PACS1: variants seen among roughly 807,000 people sequenced by gnomAD.
PACS1 encodes the protein PACS-1.
Under a neutral mutation model 115.0 loss-of-function variants are expected in PACS1, and 24 were observed. That is an observed-to-expected ratio of 0.21 (90% CI 0.15 to 0.29). PACS1 has a LOEUF of 0.29. Among genes scored for constraint, PACS1 ranks in the 10% least tolerant of loss-of-function variants. The pLI is 1.00. For missense variants in PACS1, 838 were observed against 1,251.2 expected, an observed-to-expected ratio of 0.67 and a Z score of 4.98; for synonymous variants, 453 against 504.5, an observed-to-expected ratio of 0.90 and a Z score of 1.37.
chr11:66,222,887 T>G (rs1459357242), intron 10 of PACS1, among the ~76,000 whole-genome samples: 2 of 151,770 alleles, frequency 1.3e-5, no homozygotes, highest in Non-Finnish European at 2.9e-5. Flanking sequence ...TCTTCCTGCT[T>G]AGGACAGCGC....
Position 66,241,535 on chromosome 11 carries a change from G to T in PACS1, c.2538G>T (p.Lys846Asn). ...REGDKRDASS[K>N]NTLKSVFRSV... ...GCGACAAGAGGGACGCCAGCTCGAA[G>T]AACACCCTCAAGAGTGTCTTCCGCT... The change falls in exon 22 of 24, where the codon AAG becomes AAT. Residue 846 changes from lysine (K) to asparagine (N), a missense_variant. Around this residue, in one of 6 missense-constraint regions of PACS1, gnomAD observed 84 missense variants for 187.1 expected, o/e 0.45. Coordinates refer to ENST00000320580, the MANE Select transcript of PACS1 (RefSeq NM_018026.4). The T allele has an allele frequency of 6.2e-7, 1 of 1,614,254 alleles. No homozygotes were observed. The highest frequency in any genetic ancestry group is 8.5e-7 in the Non-Finnish European group (1 of 1,180,048).
chr11:66,072,134 C>T (rs1206173625), intron 1 of PACS1, among the ~76,000 whole-genome samples: 1 of 152,128 alleles, frequency 6.6e-6, no homozygotes, highest in Non-Finnish European at 1.5e-5. Flanking sequence ...AGTTTGTGTA[C>T]ATGGTGTCAT....
rs149911325 is a variant in PACS1 at position 66,207,723 on chromosome 11, G to A, written c.445-2639G>A. On this transcript the variant is annotated intron_variant, in intron 2 of 23. Coordinates refer to ENST00000320580, the MANE Select transcript of PACS1 (RefSeq NM_018026.4). ...TTGCTGTTTTTTGAGACAGAGTCTC[G>A]TTCTGTTGCCCAGGCTGGAGTGCAG... Among the ~76,000 whole-genome samples the A allele has an allele frequency of 2.7e-3, 411 of 152,232 alleles. 4 individuals carry two copies. The highest frequency in any genetic ancestry group is 9.7e-3 in the African/African-American group (404 of 41,546).
intron 9 of PACS1, 88 bp downstream of exon 9, chr11:66,220,879 AC>A (rs1855328633): frequency 7.2e-7 from 1 of 1,387,006 alleles, no homozygotes; most frequent in Non-Finnish European, 9.9e-7. Context: ...CCCCTCTATT[AC>A]CAGAGAATCT....
intron 2 of PACS1, among the ~76,000 whole-genome samples, chr11:66,208,406 C>T (rs963279435): frequency 6.6e-6 from 1 of 151,890 alleles, no homozygotes; most frequent in East Asian, 1.9e-4. Context: ...TTACTTGAGC[C>T]GAGGAGTTCA....
In PACS1 at chr11:66,070,912, C is replaced by T; in HGVS notation, c.356+70C>T. Reference sequence around the variant, plus strand: ...CCGCCGGGGCCCAGCCCTCCCCGCCCCAGCGCCCATGGGGTCCCCGCCCTC... The same window carrying T: ...CCGCCGGGGCCCAGCCCTCCCCGCCTCAGCGCCCATGGGGTCCCCGCCCTC... On this transcript the variant is annotated intron_variant, in intron 1 of 23. Coordinates refer to ENST00000320580, the MANE Select transcript of PACS1 (RefSeq NM_018026.4). This position sits in a 1 kb window ranked among gnomAD's most constrained non-coding sequence, Gnocchi z 5.9. The T allele has an allele frequency of 7.4e-7, 1 of 1,347,068 alleles. No homozygotes were observed. Among genetic ancestry groups the T allele is most frequent in the South Asian group, 1.7e-5 (1 of 57,982 alleles). The allele number at this position is 1,347,068 out of a possible 1,614,324, so 83.4% of individuals were successfully genotyped here.
At chr11:66,226,208 A>G (rs4930346) in intron 10 of PACS1, among the ~76,000 whole-genome samples, 35,065 of 152,106 alleles carry the variant, frequency 0.23, 4,772 homozygotes, top group South Asian at 0.47. Context: ...GGCTGATCAT[A>G]TAGAGAAGGT....
intron 1 of PACS1, among the ~76,000 whole-genome samples, chr11:66,077,057 C>G (rs1857411438): frequency 6.6e-6 from 1 of 152,178 alleles, no homozygotes; most frequent in African/African-American, 2.4e-5. Context: ...TGCACCAGCT[C>G]TAGAGTGTTA....
chr11:66,172,973 T>C (rs1039687266), intron 1 of PACS1, among the ~76,000 whole-genome samples: 1 of 81,404 alleles, frequency 1.2e-5, no homozygotes, highest in Admixed American at 1.2e-4. Flanking sequence ...AGACTCTGTC[T>C]CAAAAAAAAA....
intron 1 of PACS1, among the ~76,000 whole-genome samples, chr11:66,163,700 G>A (rs1043538076): frequency 2.0e-5 from 3 of 152,158 alleles, no homozygotes; most frequent in Non-Finnish European, 4.4e-5. Flanking sequence ...TTCTGTCTGT[G>A]AAGTCCTTTA....
chr11:66,219,853 T>C, intron 8 of PACS1, 48 bp downstream of exon 8: 1 of 1,232,468 alleles, frequency 8.1e-7, no homozygotes, highest in Non-Finnish European at 1.2e-6. Context: ...ATTCCCCGGG[T>C]TTCACCCAGC....
intron 1 of PACS1, among the ~76,000 whole-genome samples, chr11:66,117,161 C>T (rs879832308): frequency 6.6e-6 from 1 of 150,838 alleles, no homozygotes; most frequent in Non-Finnish European, 1.5e-5. Context: ...GGGACCCTGG[C>T]ATTGAAAGGG....
intron 1 of PACS1, among the ~76,000 whole-genome samples, chr11:66,176,968 T>G (rs928089392): frequency 2.6e-5 from 4 of 152,202 alleles, no homozygotes; most frequent in Admixed American, 6.5e-5. Flanking sequence ...CATGCCATTC[T>G]CACTAGACTG....
intron 1 of PACS1, among the ~76,000 whole-genome samples, chr11:66,139,802 A>T (rs1339594771): frequency 6.6e-6 from 1 of 152,242 alleles, no homozygotes; most frequent in Non-Finnish European, 1.5e-5. Context: ...ATAGTGCTGC[A>T]GTAAACATGG....
chr11:66,230,379 G>C (rs1477193504), intron 11 of PACS1, 169 bp from the exon 12 acceptor site: 7 of 611,042 alleles, frequency 1.1e-5, no homozygotes, highest in Non-Finnish European at 2.1e-5. Flanking sequence ...CGTGAACAGT[G>C]GCGATTTTCC....
chr11:66,202,744 T>A (rs1330193804), intron 2 of PACS1, among the ~76,000 whole-genome samples: 3,888 of 18,620 alleles, frequency 0.21, 1,045 homozygotes, highest in South Asian at 0.27. Context: ...AAAAAAAAAA[T>A]ATATATATAT....
chr11:66,088,602 G>T (rs950587306), intron 1 of PACS1, among the ~76,000 whole-genome samples: 4 of 152,074 alleles, frequency 2.6e-5, no homozygotes, highest in African/African-American at 9.7e-5. Flanking sequence ...CTGTACCATC[G>T]GTCAGTCTGT....
At chr11:66,129,500 C>T (rs942261902) in intron 1 of PACS1, among the ~76,000 whole-genome samples, 1 of 144,830 alleles carries the variant, frequency 6.9e-6, no homozygotes, top group Admixed American at 7.1e-5. Context: ...AAAATAGAGA[C>T]GGGGCCTAAC....
intron 1 of PACS1, among the ~76,000 whole-genome samples, chr11:66,156,231 T>G (rs1306223162): frequency 4.3e-5 from 5 of 117,338 alleles, no homozygotes; most frequent in Admixed American, 4.1e-4. Context: ...TATATATATA[T>G]ATATATATAT....
Sources: gnomAD v4.1 joint callset for allele counts (sites outside exome capture counted in the v4.1 genomes callset) on GRCh38, gnomAD v4.1.1 for gene constraint, gnomAD v4.1.1 regional missense constraint, Gnocchi (gnomAD v3.1) non-coding constraint, MANE v1.5 for transcripts, NCBI Gene and HGNC (gene_info 2026-07-23, HGNC 2026-07-21) for gene names.